RBFOX3: variants seen among roughly 807,000 people sequenced by gnomAD.
RBFOX3 encodes the protein RNA binding protein fox-1 homolog 3.
A neutral mutation model predicts 48.7 loss-of-function variants in RBFOX3; 17 were observed. The ratio of observed to expected loss-of-function variants is 0.35; its 90% CI spans 0.24 to 0.52. RBFOX3 has a LOEUF of 0.52. Among genes scored for constraint, RBFOX3 ranks in the 20% least tolerant of loss-of-function variants. The pLI, the probability that RBFOX3 is intolerant of heterozygous loss-of-function variation, is 0.94. For synonymous variants in RBFOX3, 212 were observed against 209.5 expected, an observed-to-expected ratio of 1.01 and a Z score of -0.10; for missense variants, 382 against 497.5, an observed-to-expected ratio of 0.77 and a Z score of 2.21.
the RBFOX3 span, among the ~76,000 whole-genome samples, chr17:79,648,612 C>A: frequency 6.6e-6 from 1 of 152,208 alleles, no homozygotes; most frequent in Non-Finnish European, 1.5e-5. Context: ...GCCACCTCTG[C>A]CTCGTTGGGG....
chr17:79,319,755 C>G (rs951698190), intron 2 of RBFOX3, among the ~76,000 whole-genome samples: 6 of 148,718 alleles, frequency 4.0e-5, no homozygotes, highest in Non-Finnish European at 7.4e-5. Context: ...GTCTGGGCTG[C>G]TGGTCCTGTC....
At chr17:79,256,557 G>C (rs1391690206) in intron 3 of RBFOX3, among the ~76,000 whole-genome samples, 1 of 152,154 alleles carries the variant, frequency 6.6e-6, no homozygotes, top group African/African-American at 2.4e-5. Context: ...GCAGAACCAT[G>C]GCTGTGGGGA....
In RBFOX3 at chr17:79,279,806, A is replaced by G. The variant is rs76044913; in HGVS notation, c.-74+27918T>C. On this transcript the variant is annotated intron_variant, in intron 3 of 14. Transcript: ENST00000693108. The stretch of plus-strand genomic sequence containing the variant: ...CAGGGGGAGGTCACATTCTCAGGAA[A>G]GGGGATGCAGGTTAGTGTTTGTCAC... Among the ~76,000 whole-genome samples the G allele has an allele frequency of 2.3e-3, 343 of 152,292 alleles. 3 individuals are homozygous for G. Among genetic ancestry groups the G allele is most frequent in the African/African-American group, 7.9e-3 (328 of 41,560 alleles).
chr17:79,619,734 C>T, the RBFOX3 span, among the ~76,000 whole-genome samples: 2 of 152,064 alleles, frequency 1.3e-5, no homozygotes, highest in East Asian at 3.9e-4. Flanking sequence ...CCTCTGATCT[C>T]CTCCACGTCC....
Position 79,351,773 on chromosome 17 carries a change from T to C in RBFOX3, c.-174-43949A>G, listed in dbSNP as rs147523723. On this transcript the variant is annotated intron_variant, in intron 2 of 14. Transcript: ENST00000693108. ...TATGATGTGCAAATATCTTCTCCCA[T>C]CTGTTGGTTGCTTTTCCACTTTCTC... 3.3e-5 allele frequency among the ~76,000 whole-genome samples: 5 copies of C among 152,350 alleles called. No individual in the cohort carries two copies. The East Asian group carries it at 9.6e-4, about 29-fold the overall frequency.
chr17:79,387,879 T>TGC (rs1237499954), intron 2 of RBFOX3, among the ~76,000 whole-genome samples: 3 of 152,084 alleles, frequency 2.0e-5, no homozygotes, highest in African/African-American at 7.2e-5. Flanking sequence ...ACAGTGTGTG[T>TGC]GCACATGTGC....
chr17:79,452,203 G>A (rs116727213), intron 2 of RBFOX3, among the ~76,000 whole-genome samples: 14,889 of 152,268 alleles, frequency 0.098, 862 homozygotes, highest in South Asian at 0.18. Context: ...TGAGGAGGAA[G>A]GCGGAGGTGA....
At chr17:79,157,673 G>T (rs990741308) in intron 4 of RBFOX3, among the ~76,000 whole-genome samples, 4 of 152,146 alleles carry the variant, frequency 2.6e-5, no homozygotes, top group African/African-American at 4.8e-5. Context: ...TCTGCCGGGG[G>T]ACAGAGGCCA....
chr17:79,259,697 G>A (rs2065427840), intron 3 of RBFOX3, among the ~76,000 whole-genome samples: 1 of 152,070 alleles, frequency 6.6e-6, no homozygotes, highest in African/African-American at 2.4e-5. Flanking sequence ...GCTGAGCCTG[G>A]CAATCCTGCG....
intron 1 of RBFOX3, among the ~76,000 whole-genome samples, chr17:79,547,348 G>A (rs1196600679): frequency 1.3e-5 from 2 of 152,114 alleles, no homozygotes; most frequent in African/African-American, 2.4e-5. Context: ...CCAGCTACTC[G>A]GGAGGCCGAG....
chr17:79,551,903 C>T (rs1185469149), intron 1 of RBFOX3, among the ~76,000 whole-genome samples: 1 of 152,168 alleles, frequency 6.6e-6, no homozygotes, highest in African/African-American at 2.4e-5. Flanking sequence ...ATAAATTACT[C>T]AGCCTCGAGT....
chr17:79,433,919 C>T (rs1274020390), intron 2 of RBFOX3, among the ~76,000 whole-genome samples: 2 of 152,202 alleles, frequency 1.3e-5, no homozygotes, highest in Non-Finnish European at 2.9e-5. Context: ...TATTTAAAGA[C>T]ACTGTATTTC....
At chr17:79,589,556 T>C (rs2093357010) in intron 1 of RBFOX3, among the ~76,000 whole-genome samples, 1 of 152,160 alleles carries the variant, frequency 6.6e-6, no homozygotes. Context: ...GAGGACATGA[T>C]TCAGCCCGAA....
intron 1 of RBFOX3, among the ~76,000 whole-genome samples, chr17:79,579,903 A>G (rs2092997209): frequency 2.2e-5 from 1 of 46,442 alleles, no homozygotes; most frequent in Non-Finnish European, 3.8e-5. Context: ...GTGGGGGGTC[A>G]CTGGTGCTGT....
rs374515743 is a variant in RBFOX3 at position 79,092,106 on chromosome 17, G to A, written c.1078-1221C>T. ...CTGGAGCCCCTCCCTCCCTGCGTCA[G>A]GGTGCTGGACACTAGGGCCATGGCA... On this transcript the variant is annotated intron_variant, in intron 14 of 14. Coordinates refer to ENST00000693108, the MANE Select transcript of RBFOX3 (RefSeq NM_001350451.2). 3.0e-4 allele frequency: 296 copies of A among 985,504 alleles called. 1 individual carries two copies. The African/African-American group carries it at 4.8e-3, about 16-fold the overall frequency. The allele number at this position is 985,504 out of a possible 1,614,324, so 61.0% of individuals were successfully genotyped here.
intron 4 of RBFOX3, among the ~76,000 whole-genome samples, chr17:79,139,471 T>G (rs960143459): frequency 6.6e-6 from 1 of 152,242 alleles, no homozygotes; most frequent in Non-Finnish European, 1.5e-5. Flanking sequence ...GATTTACACC[T>G]TCTCATTGGC....
intron 4 of RBFOX3, among the ~76,000 whole-genome samples, chr17:79,215,588 C>T (rs1032685475): frequency 2.0e-5 from 3 of 152,228 alleles, no homozygotes; most frequent in African/African-American, 7.2e-5. Flanking sequence ...AGCTGGTGCC[C>T]TGGGTAAGAC....
chr17:79,183,300 G>C (rs1372200327), intron 4 of RBFOX3: 13 of 152,624 alleles, frequency 8.5e-5, no homozygotes, highest in Non-Finnish European at 1.5e-5. Flanking sequence ...GGCAGGGCAC[G>C]GAGTGCGGGA....
chr17:79,372,295 T>C (rs884445), intron 2 of RBFOX3, among the ~76,000 whole-genome samples: 52,804 of 130,236 alleles, frequency 0.41, 10,838 homozygotes, highest in African/African-American at 0.56. Context: ...CTATAGCCCC[T>C]CTATACTATA....
Sources: gnomAD v4.1 joint callset for allele counts (sites outside exome capture counted in the v4.1 genomes callset) on GRCh38, gnomAD v4.1.1 for gene constraint, MANE v1.5 for transcripts, NCBI Gene and HGNC (gene_info 2026-07-23, HGNC 2026-07-21) for gene names.